MAP3K5: variants seen among roughly 807,000 people sequenced by gnomAD.
The protein encoded by MAP3K5 is ASK-1.
In MAP3K5, 56 loss-of-function variants were observed where a neutral mutation model predicts 158.7. The ratio of observed to expected loss-of-function variants is 0.35; its 90% CI spans 0.28 to 0.44. The LOEUF (loss-of-function observed/expected upper bound fraction) is 0.44, where lower values mean the gene tolerates loss of function less well. Ranked by LOEUF, MAP3K5 falls within the 20% of genes least tolerant of loss-of-function variation. The pLI, the probability that MAP3K5 is intolerant of heterozygous loss-of-function variation, is 1.00. For synonymous variants in MAP3K5, 579 were observed against 601.7 expected, an observed-to-expected ratio of 0.96 and a Z score of 0.55; for missense variants, 1,294 against 1,674.8, an observed-to-expected ratio of 0.77 and a Z score of 3.97.
intron 15 of MAP3K5, among the ~76,000 whole-genome samples, chr6:136,615,711 A>T (rs995226457): frequency 1.3e-5 from 2 of 152,178 alleles, no homozygotes; most frequent in Non-Finnish European, 2.9e-5. Context: ...CGAGATATAG[A>T]TCTATATATA....
intron 1 of MAP3K5, among the ~76,000 whole-genome samples, chr6:136,770,957 CCTT>C (rs1167206898): frequency 1.3e-5 from 2 of 152,082 alleles, no homozygotes; most frequent in East Asian, 3.9e-4. Flanking sequence ...GTATACAACT[CCTT>C]ATTATATTAA....
In MAP3K5 at chr6:136,729,647, T is replaced by C. The variant is rs559721508; in HGVS notation, c.449-9058A>G. On this transcript the variant is annotated intron_variant, in intron 1 of 29. Coordinates refer to ENST00000359015, the MANE Select transcript of MAP3K5 (RefSeq NM_005923.4). Reference sequence around the variant, plus strand: ...ACATAGAAAGCCAACATAAAGAATTTTGACTTGATCCTATAATCAATGGAT... The same window carrying C: ...ACATAGAAAGCCAACATAAAGAATTCTGACTTGATCCTATAATCAATGGAT... Among the ~76,000 whole-genome samples the C allele has an allele frequency of 3.0e-4, 45 of 152,334 alleles. No homozygotes were observed. The South Asian group carries it at 4.8e-3, about 16-fold the overall frequency.
At chr6:136,750,227 A>T (rs916273121) in intron 1 of MAP3K5, among the ~76,000 whole-genome samples, 2 of 152,072 alleles carry the variant, frequency 1.3e-5, no homozygotes, top group Non-Finnish European at 2.9e-5. Context: ...ACAGGCGTGC[A>T]CGAGCACGCC....
intron 12 of MAP3K5, among the ~76,000 whole-genome samples, chr6:136,642,029 TAAA>T (rs57510158): frequency 1.0e-5 from 1 of 99,312 alleles, no homozygotes; most frequent in South Asian, 3.7e-4. Flanking sequence ...TAAAATAAAA[TAAA>T]AATAAAATAA....
chr6:136,593,985 C>T (rs1775511984), intron 21 of MAP3K5, among the ~76,000 whole-genome samples: 1 of 152,058 alleles, frequency 6.6e-6, no homozygotes. Flanking sequence ...CAGCTGACCT[C>T]GGGGGAAACC....
At chr6:136,792,687 A>C (rs1370506433), upstream of MAP3K5, among the ~76,000 whole-genome samples, 1 of 152,174 alleles carries the variant, frequency 6.6e-6, no homozygotes, top group Non-Finnish European at 1.5e-5. The surrounding 1 kb of genome is among the most constrained non-coding windows in gnomAD (Gnocchi z 5.7). Context: ...CCGGAACAGC[A>C]GCAGCGGCAG....
chr6:136,558,151 G>T (rs1434423279), intron 29 of MAP3K5, among the ~76,000 whole-genome samples: 2 of 152,218 alleles, frequency 1.3e-5, no homozygotes, highest in Non-Finnish European at 2.9e-5. Context: ...GGCCGAGGCA[G>T]GCAGATCACG....
intron 15 of MAP3K5, among the ~76,000 whole-genome samples, chr6:136,614,864 T>C (rs1187189631): frequency 1.3e-5 from 2 of 152,204 alleles, no homozygotes; most frequent in Non-Finnish European, 2.9e-5. Flanking sequence ...AAACCACTCA[T>C]ATGTCAAATC....
intron 9 of MAP3K5, among the ~76,000 whole-genome samples, chr6:136,657,300 C>T (rs761737422): frequency 4.6e-5 from 7 of 152,126 alleles, no homozygotes; most frequent in East Asian, 1.9e-4. Flanking sequence ...GCTATGCAGG[C>T]GCTTTATGGA....
chr6:136,560,699 G>A (rs1227521708), intron 28 of MAP3K5, among the ~76,000 whole-genome samples: 1 of 152,012 alleles, frequency 6.6e-6, no homozygotes, highest in Non-Finnish European at 1.5e-5. Context: ...TGTAGCCCCA[G>A]TACTCTGAGA....
At chr6:136,625,256 T>A (rs1776980343) in intron 14 of MAP3K5, among the ~76,000 whole-genome samples, 1 of 152,180 alleles carries the variant, frequency 6.6e-6, no homozygotes, top group African/African-American at 2.4e-5. Flanking sequence ...AGCTGATATA[T>A]AAACAAATGG....
chr6:136,672,298 C>CA (rs201891445), intron 7 of MAP3K5, among the ~76,000 whole-genome samples: 1,574 of 151,834 alleles, frequency 0.01, 56 homozygotes, highest in East Asian at 0.085. Flanking sequence ...ATGGAAGCAA[C>CA]AAAAAAAATC....
intron 1 of MAP3K5, among the ~76,000 whole-genome samples, chr6:136,772,197 G>T (rs550953389): frequency 1.3e-5 from 2 of 151,240 alleles, no homozygotes; most frequent in African/African-American, 4.9e-5. Flanking sequence ...GATTACAGGC[G>T]TGAGCCACCA....
At chr6:136,790,323 C>T (rs560991080) in intron 1 of MAP3K5, among the ~76,000 whole-genome samples, 1 of 152,226 alleles carries the variant, frequency 6.6e-6, no homozygotes, top group African/African-American at 2.4e-5. Context: ...TAAAAATAGG[C>T]TCAAGTGTTC....
intron 8 of MAP3K5, among the ~76,000 whole-genome samples, chr6:136,660,022 TTA>T (rs1318353209): frequency 1.3e-5 from 2 of 152,220 alleles, no homozygotes; most frequent in African/African-American, 4.8e-5. Context: ...TCTACAATTT[TTA>T]TATATGTCAG....
chr6:136,786,673 G>A (rs1030473276), intron 1 of MAP3K5, among the ~76,000 whole-genome samples: 1 of 151,978 alleles, frequency 6.6e-6, no homozygotes, highest in Admixed American at 6.6e-5. Context: ...TTAAAATATA[G>A]TTAAATAGTA....
intron 12 of MAP3K5, among the ~76,000 whole-genome samples, chr6:136,640,557 T>G (rs560076970): frequency 6.6e-6 from 1 of 152,320 alleles, no homozygotes; most frequent in East Asian, 1.9e-4. Context: ...CAGAAAGACT[T>G]CCTCTTACAC....
chr6:136,763,135 G>T (rs1025189530), intron 1 of MAP3K5, among the ~76,000 whole-genome samples: 2 of 152,062 alleles, frequency 1.3e-5, no homozygotes, highest in East Asian at 3.8e-4. Flanking sequence ...TGGGACCACA[G>T]GTGCACGCCA....
At chr6:136,793,059 G>A (rs565901779), upstream of MAP3K5, among the ~76,000 whole-genome samples, 1 of 152,204 alleles carries the variant, frequency 6.6e-6, no homozygotes, top group Non-Finnish European at 1.5e-5. Flanking sequence ...AGCGATTACG[G>A]GGTGGCGCAG....
Sources: allele counts gnomAD v4.1 joint callset (sites outside exome capture counted in the v4.1 genomes callset), GRCh38; gene constraint gnomAD v4.1.1; non-coding constraint Gnocchi (gnomAD v3.1); transcripts MANE v1.5; gene names NCBI Gene and HGNC (gene_info 2026-07-23, HGNC 2026-07-21).